WDFY3: variants seen among roughly 807,000 people sequenced by gnomAD.
The protein encoded by WDFY3 is WD repeat and FYVE domain-containing protein 3.
WDFY3 carries 66 observed loss-of-function variants against 409.6 expected under a neutral mutation model. The observed-to-expected ratio is 0.16, with a 90% confidence interval of 0.13 to 0.20. The LOEUF is 0.20. Among genes scored for constraint, WDFY3 ranks in the 10% least tolerant of loss-of-function variants. The pLI, the probability that WDFY3 is intolerant of heterozygous loss-of-function variation, is 1.00. For missense variants in WDFY3, 3,031 were observed against 4,298.1 expected (o/e 0.71, Z 8.24); for synonymous variants, 1,521 against 1,537.1 (o/e 0.99, Z 0.25).
chr4:84,721,721 A>G, intron 46 of WDFY3, 149 bp from the exon 47 acceptor site: 1 of 795,948 alleles, frequency 1.3e-6, no homozygotes. Context: ...TTAAGAACAT[A>G]GTCCTCTGGA....
At chr4:84,719,122 A>G (rs551852281) in intron 47 of WDFY3, among the ~76,000 whole-genome samples, 1 of 152,302 alleles carries the variant, frequency 6.6e-6, no homozygotes, top group East Asian at 1.9e-4. Flanking sequence ...AAGTGAGATA[A>G]TGTACATAAT....
chr4:84,763,531 A>C (rs2149376199), intron 32 of WDFY3, among the ~76,000 whole-genome samples: 1 of 152,304 alleles, frequency 6.6e-6, no homozygotes, highest in Non-Finnish European at 1.5e-5. Context: ...CATGTATCCC[A>C]GAAATTAAAG....
intron 45 of WDFY3, among the ~76,000 whole-genome samples, chr4:84,726,432 A>C (rs562191378): frequency 7.6e-4 from 116 of 152,180 alleles, no homozygotes; most frequent in Non-Finnish European, 1.3e-3. Context: ...TTCTGATTGA[A>C]AAAAATAATT....
rs1385873382 is a variant in WDFY3 at position 84,789,846 on chromosome 4, T to A, written c.3549A>T (p.Arg1183=). The A allele has an allele frequency of 1.9e-6, 3 of 1,613,846 alleles. No individual in the cohort carries two copies. Among genetic ancestry groups the A allele is most frequent in the Admixed American group, 1.7e-5 (1 of 59,980 alleles). Residue 1183 remains arginine (R), a synonymous_variant, in exon 22 of 68, where the codon CGA becomes CGT. Coordinates refer to ENST00000295888, the MANE Select transcript of WDFY3 (RefSeq NM_014991.6). ...GTCCCTCAATGATAAGCTCTCCACA[T>A]CGAAAGCGAGCACAGCATGGGAGAA... is the stretch of plus-strand genomic sequence containing the variant. ...YEILPCCARF[R]CGELIIEGQW...
intron 10 of WDFY3, among the ~76,000 whole-genome samples, chr4:84,823,741 T>G (rs1004448194): frequency 6.6e-6 from 1 of 152,164 alleles, no homozygotes; most frequent in Non-Finnish European, 1.5e-5. Context: ...ACATACTTAG[T>G]AGAATGTCTA....
chr4:84,901,197 C>T (rs1424825169), intron 2 of WDFY3, among the ~76,000 whole-genome samples: 1 of 152,296 alleles, frequency 6.6e-6, no homozygotes, highest in East Asian at 1.9e-4. Context: ...AAGGCTCTAC[C>T]TCTTAATGCC....
At chr4:84,775,261 C>A in intron 27 of WDFY3, 123 bp from the exon 28 acceptor site, 2 of 833,370 alleles carry the variant, frequency 2.4e-6, no homozygotes, top group South Asian at 2.1e-5. Flanking sequence ...TTGTAAAGTT[C>A]TATAAAACCA....
intron 14 of WDFY3, 60 bp downstream of exon 14, chr4:84,809,827 T>G: frequency 6.9e-7 from 1 of 1,440,134 alleles, no homozygotes; most frequent in Non-Finnish European, 9.5e-7. Context: ...ATTCAAGTCT[T>G]AATGTTGAAG....
intron 2 of WDFY3, among the ~76,000 whole-genome samples, chr4:84,906,816 A>G (rs1197355053): frequency 6.7e-6 from 1 of 148,304 alleles, no homozygotes; most frequent in Non-Finnish European, 1.5e-5. Flanking sequence ...TAGTGCTGGT[A>G]TATTTTATAT....
chr4:84,823,098 A>G (rs1184940057), intron 10 of WDFY3, among the ~76,000 whole-genome samples: 1 of 152,198 alleles, frequency 6.6e-6, no homozygotes, highest in East Asian at 1.9e-4. Context: ...TTTAAGGCTT[A>G]TTATAAAGCT....
At chr4:84,841,622 A>C (rs1326837513) in intron 5 of WDFY3, among the ~76,000 whole-genome samples, 2 of 152,232 alleles carry the variant, frequency 1.3e-5, no homozygotes, top group African/African-American at 4.8e-5. Flanking sequence ...CAATAAAACA[A>C]GAGTGGCTAG....
chr4:84,824,787 C>T (rs1239072768), intron 10 of WDFY3, among the ~76,000 whole-genome samples: 1 of 152,122 alleles, frequency 6.6e-6, no homozygotes, highest in Non-Finnish European at 1.5e-5. Flanking sequence ...ACAACCTATT[C>T]CACATTCTTT....
intron 34 of WDFY3, among the ~76,000 whole-genome samples, chr4:84,754,217 A>G (rs938219207): frequency 7.9e-5 from 12 of 152,130 alleles, no homozygotes; most frequent in Non-Finnish European, 2.9e-5. Context: ...ATGTTGCCCC[A>G]TCGTGCATCA....
intron 3 of WDFY3, among the ~76,000 whole-genome samples, chr4:84,893,616 T>C (rs1324944334): frequency 6.6e-6 from 1 of 152,216 alleles, no homozygotes; most frequent in Non-Finnish European, 1.5e-5. Context: ...CTACATTTTT[T>C]ATTTCAATAT....
At chr4:84,914,027 A>G (rs1047884354) in intron 2 of WDFY3, among the ~76,000 whole-genome samples, 5 of 152,146 alleles carry the variant, frequency 3.3e-5, no homozygotes, top group African/African-American at 1.2e-4. Flanking sequence ...TTTCTTAGTA[A>G]CATTTTCTTT....
At chr4:84,851,793 A>G (rs1190930891) in intron 4 of WDFY3, among the ~76,000 whole-genome samples, 1 of 152,174 alleles carries the variant, frequency 6.6e-6, no homozygotes, top group Non-Finnish European at 1.5e-5. Flanking sequence ...GTAAGTTCTA[A>G]GACCCCACTG....
intron 19 of WDFY3, among the ~76,000 whole-genome samples, chr4:84,795,689 G>C (rs1749296452): frequency 6.6e-6 from 1 of 152,044 alleles, no homozygotes; most frequent in South Asian, 2.1e-4. Context: ...TTGAACCTGA[G>C]AGGCGGAGGT....
chr4:84,828,934 C>A, intron 9 of WDFY3, 70 bp downstream of exon 9: 1 of 1,430,124 alleles, frequency 7.0e-7, no homozygotes, highest in African/African-American at 1.4e-5. Flanking sequence ...AACCCCAAAT[C>A]ACATTGTTTT....
At chr4:84,735,366 C>T (rs978819357) in intron 42 of WDFY3, among the ~76,000 whole-genome samples, 1 of 152,194 alleles carries the variant, frequency 6.6e-6, no homozygotes, top group Non-Finnish European at 1.5e-5. Context: ...CTGCTCTCAA[C>T]ACCCTCAGGG....
Sources: allele counts gnomAD v4.1 joint callset (sites outside exome capture counted in the v4.1 genomes callset), GRCh38; gene constraint gnomAD v4.1.1; transcripts MANE v1.5; gene names NCBI Gene and HGNC (gene_info 2026-07-23, HGNC 2026-07-21).